Variants in THADA observed in about 807,000 individuals in gnomAD.
THADA encodes tRNA (32-2'-O)-methyltransferase regulator THADA.
Under a neutral mutation model 219.8 loss-of-function variants are expected in THADA, and 213 were observed. The ratio of observed to expected loss-of-function variants is 0.97; its 90% CI spans 0.87 to 1.09. The LOEUF is 1.09. Ranked by LOEUF, THADA falls within the 50% of genes least tolerant of loss-of-function variation. The pLI is 0.00. For synonymous variants in THADA, 1,018 were observed against 828.9 expected (o/e 1.23, Z -3.92); for missense variants, 2,956 against 2,311.3 (o/e 1.28, Z -5.72).
intron 26 of THADA, among the ~76,000 whole-genome samples, chr2:43,435,555 A>G (rs1199768492): frequency 6.6e-6 from 1 of 152,030 alleles, no homozygotes; most frequent in Non-Finnish European, 1.5e-5. Flanking sequence ...GGCTGAGGCC[A>G]GCAAATTACT....
chr2:43,268,978 AC>A (rs1208151734), intron 36 of THADA, among the ~76,000 whole-genome samples: 1 of 152,188 alleles, frequency 6.6e-6, no homozygotes, highest in African/African-American at 2.4e-5. Flanking sequence ...CAGAGTAGTG[AC>A]CCTAACACCT....
chr2:43,284,574 C>T (rs1028922702), intron 35 of THADA, among the ~76,000 whole-genome samples: 3 of 152,192 alleles, frequency 2.0e-5, no homozygotes, highest in Non-Finnish European at 4.4e-5. Context: ...AAGTCTGCTG[C>T]AGGAGTGGGG....
intron 29 of THADA, among the ~76,000 whole-genome samples, chr2:43,352,549 C>G (rs1668396643): frequency 6.8e-6 from 1 of 147,890 alleles, no homozygotes; most frequent in Admixed American, 6.7e-5. Flanking sequence ...CAGAGTGAGA[C>G]TAAAAAAAAA....
At position 43,398,059 on chromosome 2, in the gene THADA, G is replaced by T; in HGVS notation, c.4139C>A (p.Pro1380His). The change falls in exon 29 of 38, where the codon CCT becomes CAT. Residue 1380 changes from proline to histidine, a missense_variant. By Grantham distance (77) the Pro-to-His change is moderately conservative. Transcript: ENST00000405975. ...GGACAACAGAGTTCGAATGGTATTA[G>T]GAATGTGATCTATCATAACAAATGG... is the stretch of plus-strand genomic sequence containing the variant. ...LVPFVMIDHI[P>H]NTIRTLLSTL... The T allele has an allele frequency of 6.2e-7, 1 of 1,614,000 alleles. No individual in the cohort carries two copies. Among genetic ancestry groups the T allele is most frequent in the African/African-American group, 1.3e-5 (1 of 75,060 alleles).
At chr2:43,446,528 T>C (rs1266855248) in intron 26 of THADA, among the ~76,000 whole-genome samples, 1 of 152,230 alleles carries the variant, frequency 6.6e-6, no homozygotes, top group African/African-American at 2.4e-5. Flanking sequence ...TGAAGCCATG[T>C]TGGTTCTATC....
rs575708635 is a variant in THADA at position 43,488,244 on chromosome 2, T to A, written c.3745-2919A>T. Reference sequence around the variant, plus strand: ...TTAAAGGATGCTATTCAGTGGTTTTTGCTATATTAACAAAGTGTGAAGCTA... The same window carrying A: ...TTAAAGGATGCTATTCAGTGGTTTTAGCTATATTAACAAAGTGTGAAGCTA... On this transcript the variant is annotated intron_variant, in intron 25 of 37. Transcript: ENST00000405975. Among the ~76,000 whole-genome samples, 172 of 152,332 alleles carry A rather than the reference T, an allele frequency of 1.1e-3. 1 individual carries two copies. Among genetic ancestry groups the A allele is most frequent in the Non-Finnish European group, 2.0e-3 (138 of 68,030 alleles).
chr2:43,536,045 G>A (rs937149032), intron 21 of THADA, among the ~76,000 whole-genome samples: 3 of 151,850 alleles, frequency 2.0e-5, no homozygotes, highest in Admixed American at 6.6e-5. Flanking sequence ...CTCTTGATCC[G>A]CCCGCCTCAG....
At chr2:43,274,416 T>G (rs1342301997) in intron 36 of THADA, among the ~76,000 whole-genome samples, 2 of 152,200 alleles carry the variant, frequency 1.3e-5, no homozygotes, top group African/African-American at 4.8e-5. Flanking sequence ...GCCACCTGAC[T>G]ATGGTGAAAA....
chr2:43,542,381 C>A (rs940734685), intron 20 of THADA, among the ~76,000 whole-genome samples: 5 of 152,150 alleles, frequency 3.3e-5, no homozygotes, highest in South Asian at 2.1e-4. Context: ...GAAACTATTA[C>A]AATAGGCTAT....
chr2:43,545,030 ATTATT>A (rs1176172728), intron 20 of THADA, among the ~76,000 whole-genome samples: 1 of 152,164 alleles, frequency 6.6e-6, no homozygotes, highest in Non-Finnish European at 1.5e-5. Flanking sequence ...GATAGCTCTT[ATTATT>A]TTGAGATACG....
chr2:43,313,521 G>C (rs998126922), intron 31 of THADA, among the ~76,000 whole-genome samples: 1 of 152,262 alleles, frequency 6.6e-6, no homozygotes, highest in African/African-American at 2.4e-5. Flanking sequence ...ATTAGGAAGT[G>C]TTTTGTGCAG....
intron 22 of THADA, among the ~76,000 whole-genome samples, chr2:43,519,890 T>C (rs141769454): frequency 6.6e-6 from 1 of 152,322 alleles, no homozygotes; most frequent in African/African-American, 2.4e-5. Context: ...AATAGAGTTC[T>C]GACTATTCAA....
Position 43,560,363 on chromosome 2 carries a change from C to T in THADA, c.2334G>A (p.Gln778=), listed in dbSNP as rs756102827. ...GACCAACATCAATATCATGACTCAG[C>T]TGATATACTGTATAAATTCTGCCTA... ...VPEGRIYTVY[Q]LSHDIDVGRF... The change falls in exon 16 of 38, where the codon CAG becomes CAA. Residue 778 remains glutamine (Q), a synonymous_variant. Transcript: ENST00000405975. 2.5e-6 allele frequency: 4 copies of T among 1,594,402 alleles called. No individual in the cohort carries two copies. The highest frequency in any genetic ancestry group is 1.4e-5 in the African/African-American group (1 of 73,894).
intron 31 of THADA, among the ~76,000 whole-genome samples, chr2:43,310,972 T>C (rs1327655513): frequency 6.6e-6 from 1 of 151,716 alleles, no homozygotes; most frequent in Non-Finnish European, 1.5e-5. Flanking sequence ...AGGTAGCGAG[T>C]TCGACACCAG....
At chr2:43,241,176 C>A (rs953112665) in intron 36 of THADA, among the ~76,000 whole-genome samples, 1 of 152,100 alleles carries the variant, frequency 6.6e-6, no homozygotes, top group Non-Finnish European at 1.5e-5. Flanking sequence ...ACTGCAGCGA[C>A]CTCCCAGGCT....
intron 15 of THADA, among the ~76,000 whole-genome samples, chr2:43,561,312 G>T (rs1249493593): frequency 6.6e-6 from 1 of 152,104 alleles, no homozygotes; most frequent in Non-Finnish European, 1.5e-5. Flanking sequence ...TCAAGTGTAA[G>T]AACAATAGAA....
chr2:43,419,977 T>C (rs1381074882), intron 28 of THADA, among the ~76,000 whole-genome samples: 1 of 152,208 alleles, frequency 6.6e-6, no homozygotes, highest in Non-Finnish European at 1.5e-5. Flanking sequence ...TGGGTCGCCC[T>C]TGGTTCAAGT....
chr2:43,515,248 TTATATATA>T, intron 22 of THADA, among the ~76,000 whole-genome samples: 1 of 54,998 alleles, frequency 1.8e-5, no homozygotes, highest in South Asian at 5.8e-4. Flanking sequence ...ATATAATATA[TTATATATA>T]ATATATAATA....
intron 36 of THADA, among the ~76,000 whole-genome samples, chr2:43,234,473 A>G (rs1387850638): frequency 1.3e-5 from 2 of 152,112 alleles, no homozygotes; most frequent in Non-Finnish European, 2.9e-5. Flanking sequence ...AAACCAGGAA[A>G]CAGAAAAGGG....
Sources: gnomAD v4.1 joint callset for allele counts (sites outside exome capture counted in the v4.1 genomes callset) on GRCh38, gnomAD v4.1.1 for gene constraint, MANE v1.5 for transcripts, NCBI Gene and HGNC (gene_info 2026-07-23, HGNC 2026-07-21) for gene names.